TAB2: variants seen among roughly 807,000 people sequenced by gnomAD.
TAB2 encodes TGF-beta-activated kinase 1 and MAP3K7-binding protein 2.
In TAB2, 3 loss-of-function variants were observed where a neutral mutation model predicts 65.0. The observed-to-expected ratio is 0.05, with a 90% CI of 0.02 to 0.12. The LOEUF is 0.12. Among genes scored for constraint, TAB2 ranks in the 10% least tolerant of loss-of-function variants. The pLI, the probability that TAB2 is intolerant of heterozygous loss-of-function variation, is 1.00. For missense variants in TAB2, 623 were observed against 840.3 expected, an observed-to-expected ratio of 0.74 and a Z score of 3.20; for synonymous variants, 298 against 285.1, an observed-to-expected ratio of 1.05 and a Z score of -0.46.
intron 1 of TAB2, chr6:149,220,770 C>T (rs1423400817): frequency 6.6e-6 from 1 of 152,236 alleles, no homozygotes; most frequent in Non-Finnish European, 1.5e-5. Context: ...GCACACACCA[C>T]CATGCCCGGC....
intron 1 of TAB2, among the ~76,000 whole-genome samples, chr6:149,238,169 C>T (rs1031180222): frequency 2.6e-5 from 4 of 152,128 alleles, no homozygotes; most frequent in South Asian, 2.1e-4. Flanking sequence ...ACACCCAGCA[C>T]GGTGCCTGGC....
intron 1 of TAB2, among the ~76,000 whole-genome samples, chr6:149,263,617 C>T (rs866550284): frequency 2.0e-5 from 3 of 152,192 alleles, no homozygotes; most frequent in Non-Finnish European, 4.4e-5. Context: ...TGGAGATGAA[C>T]AGAATATTCC....
intron 3 of TAB2, 129 bp downstream of exon 3, chr6:149,379,647 G>A: frequency 2.4e-6 from 2 of 844,998 alleles, no homozygotes; most frequent in South Asian, 1.4e-5. Flanking sequence ...TGATGTTATT[G>A]TAACATTTGA....
At chr6:149,248,435 GGAAGGAAGGAAGGAAGAAAA>G (rs1326913836) in intron 1 of TAB2, among the ~76,000 whole-genome samples, 5 of 143,240 alleles carry the variant, frequency 3.5e-5, no homozygotes, top group African/African-American at 5.3e-5. Flanking sequence ...AAGAAAGGAA[GGAAGGAAGGAAGGAAGAAAA>G]GAAGGAAGGA....
chr6:149,365,760 C>A (rs1781019785), intron 1 of TAB2, among the ~76,000 whole-genome samples: 1 of 151,716 alleles, frequency 6.6e-6, no homozygotes, highest in South Asian at 2.1e-4. Context: ...GTTATGATAC[C>A]TTGCCACAGG....
intron 1 of TAB2, among the ~76,000 whole-genome samples, chr6:149,354,520 T>TTTTTATTGTTTATA (rs1456862959): frequency 1.3e-5 from 2 of 152,192 alleles, no homozygotes; most frequent in East Asian, 3.8e-4. Flanking sequence ...AAACAATATA[T>TTTTTATTGTTTATA]TAAATAAAAT....
At chr6:149,224,913 A>G (rs1217341186) in intron 1 of TAB2, among the ~76,000 whole-genome samples, 1 of 152,230 alleles carries the variant, frequency 6.6e-6, no homozygotes, top group African/African-American at 2.4e-5. Context: ...TTGATAGCAT[A>G]TGCTGCTTTT....
upstream of TAB2, among the ~76,000 whole-genome samples, chr6:149,314,936 T>C (rs1412073630): frequency 3.9e-5 from 6 of 152,222 alleles, no homozygotes; most frequent in East Asian, 1.2e-3. Flanking sequence ...TCCTTTTTAT[T>C]TTCTCCAGTC....
intron 6 of TAB2, among the ~76,000 whole-genome samples, chr6:149,406,694 C>T: frequency 6.6e-6 from 1 of 151,996 alleles, no homozygotes; most frequent in East Asian, 1.9e-4. Flanking sequence ...TACTCTACTT[C>T]ATTTTTGTTT....
At chr6:149,233,291 C>T (rs1014002833) in intron 1 of TAB2, among the ~76,000 whole-genome samples, 2 of 152,202 alleles carry the variant, frequency 1.3e-5, no homozygotes, top group Admixed American at 1.3e-4. Context: ...AACCTCCCTC[C>T]GCTCAGTGTG....
At chr6:149,275,138 T>TATTTTA (rs1562396751) in intron 1 of TAB2, among the ~76,000 whole-genome samples, 2 of 127,534 alleles carry the variant, frequency 1.6e-5, no homozygotes, top group African/African-American at 6.9e-5. Context: ...TTTTTTTTTT[T>TATTTTA]TTTTTGAGTT....
chr6:149,274,622 T>C (rs1038476503), intron 1 of TAB2, among the ~76,000 whole-genome samples: 2 of 152,188 alleles, frequency 1.3e-5, no homozygotes, highest in African/African-American at 4.8e-5. Flanking sequence ...CTATACTCAT[T>C]GTCCTGGAGG....
At chr6:149,225,301 T>G (rs931877133) in intron 1 of TAB2, among the ~76,000 whole-genome samples, 1 of 151,900 alleles carries the variant, frequency 6.6e-6, no homozygotes, top group Non-Finnish European at 1.5e-5. Context: ...TTACCATAAC[T>G]AGATCCAATT....
chr6:149,327,849 A>G (rs1336292519), intron 1 of TAB2, among the ~76,000 whole-genome samples: 3 of 152,202 alleles, frequency 2.0e-5, no homozygotes, highest in Non-Finnish European at 4.4e-5. Flanking sequence ...TTTTTTGCAT[A>G]TAAAAGTGCA....
intron 1 of TAB2, among the ~76,000 whole-genome samples, chr6:149,226,221 G>A (rs1777271784): frequency 6.6e-6 from 1 of 152,192 alleles, no homozygotes; most frequent in Non-Finnish European, 1.5e-5. Context: ...TTTGGAGGAA[G>A]GCCTGCCCAT....
At chr6:149,231,764 A>G (rs1292662819) in intron 1 of TAB2, among the ~76,000 whole-genome samples, 1 of 152,240 alleles carries the variant, frequency 6.6e-6, no homozygotes, top group East Asian at 1.9e-4. Flanking sequence ...GAAGACATTT[A>G]GACCGTATCT....
chr6:149,401,423 A>G (rs1782405980), intron 6 of TAB2: 1 of 154,432 alleles, frequency 6.5e-6, no homozygotes, highest in African/African-American at 2.4e-5. Flanking sequence ...CTATAATTAT[A>G]TCAGAAACAA....
At chr6:149,362,989 A>G (rs987670852) in intron 1 of TAB2, among the ~76,000 whole-genome samples, 2 of 152,212 alleles carry the variant, frequency 1.3e-5, no homozygotes, top group African/African-American at 4.8e-5. Context: ...CTTTGGTCAC[A>G]AATGATTAAT....
chr6:149,254,207 C>G (rs1423218763), intron 1 of TAB2, among the ~76,000 whole-genome samples: 1 of 152,064 alleles, frequency 6.6e-6, no homozygotes, highest in African/African-American at 2.4e-5. Context: ...ACCAAATACG[C>G]TCCCCCAAAG....
Sources: gnomAD v4.1 joint callset for allele counts (sites outside exome capture counted in the v4.1 genomes callset) on GRCh38, gnomAD v4.1.1 for gene constraint, MANE v1.5 for transcripts, NCBI Gene and HGNC (gene_info 2026-07-23, HGNC 2026-07-21) for gene names.